The following TRIM32 variants were observed in gnomAD, a reference collection of about 807,000 sequenced individuals.
TRIM32 encodes tripartite motif containing 32, also known as E3 ubiquitin-protein ligase TRIM32.
A neutral mutation model predicts 36.0 loss-of-function variants in TRIM32; 19 were observed. That is an observed-to-expected ratio of 0.53 (90% CI 0.37 to 0.77). TRIM32 has a LOEUF of 0.77. TRIM32 is among the 30% of genes least tolerant of loss of function. The probability of loss-of-function intolerance (pLI) is 0.00; values close to 1 mark genes in which losing one functional copy is unlikely to be tolerated. For synonymous variants in TRIM32, 309 were observed against 318.5 expected, an observed-to-expected ratio of 0.97 and a Z score of 0.32; for missense variants, 747 against 845.2, an observed-to-expected ratio of 0.88 and a Z score of 1.44.
Position 116,699,933 on chromosome 9 carries a change from C to G in TRIM32, c.*229C>G. On this transcript the variant is annotated 3_prime_UTR_variant, in exon 2 of 2. Transcript: ENST00000450136. This position sits in a 1 kb window ranked among gnomAD's most constrained non-coding sequence, Gnocchi z 4.2. ...AGATGCACTGCCCAAATAGGACACA[C>G]GATGGTGTTAGCTGAAGTTTGATTA... 1 of 631,886 alleles carries G rather than the reference C, an allele frequency of 1.6e-6. No individual in the cohort carries two copies. The highest frequency in any genetic ancestry group is 2.8e-6 in the Non-Finnish European group (1 of 359,210). The allele number at this position is 631,886 out of a possible 1,614,324, so 39.1% of individuals were successfully genotyped here.
chr9:116,697,248 T>C, intron 1 of TRIM32: 1 of 162,502 alleles, frequency 6.2e-6, no homozygotes, highest in South Asian at 1.7e-4. Context: ...AATCATTAGC[T>C]CATTAGCATT....
intron 1 of TRIM32, among the ~76,000 whole-genome samples, chr9:116,689,410 T>G (rs1860450282): frequency 6.6e-6 from 1 of 152,212 alleles, no homozygotes; most frequent in South Asian, 2.1e-4. Context: ...TCTCAAAATC[T>G]AGTAATTTTT....
rs139275673 is a variant in TRIM32, at chr9:116,699,351, C to T, written c.1609C>T (p.Leu537=). The T allele has an allele frequency of 4.8e-5, 77 of 1,614,208 alleles. No individual in the cohort carries two copies. The East Asian group carries it at 1.7e-3, about 36-fold the overall frequency. The change falls in exon 2 of 2, where the codon CTG becomes TTG. Residue 537 remains leucine, a synonymous_variant. Transcript: ENST00000450136. The surrounding 1 kb of genome is among the most constrained non-coding windows in gnomAD (Gnocchi z 4.2). The part of the protein sequence containing the change: ...VYFTQGLGLN[L]ENRQNEHHLE... ...CTTCACCCAGGGCTTAGGCCTCAAT[C>T]TGGAGAATCGGCAGAATGAGCACCA...
rs1485324411 is a variant in TRIM32, at chr9:116,697,713, G to A, written c.-30G>A. On this transcript the variant is annotated 5_prime_UTR_variant, in exon 2 of 2. It adds an upstream start codon to the 5' untranslated region. Transcript: ENST00000450136. ...ATACTGTGCTGTTCAGTTCTGAGCT[G>A]TGCTAGCAATACCCTTCAAAGGAAG... The A allele has an allele frequency of 6.2e-7, 1 of 1,612,932 alleles. No individual in the cohort carries two copies. The highest frequency in any genetic ancestry group is 1.3e-5 in the African/African-American group (1 of 75,046).
intron 1 of TRIM32, among the ~76,000 whole-genome samples, chr9:116,694,065 C>G (rs1400843830): frequency 1.3e-5 from 2 of 152,164 alleles, no homozygotes; most frequent in African/African-American, 2.4e-5. Context: ...AGCATGGCAG[C>G]TTTGGGGCAG....
intron 1 of TRIM32, among the ~76,000 whole-genome samples, chr9:116,691,652 T>G (rs1860572990): frequency 6.6e-6 from 1 of 152,188 alleles, no homozygotes; most frequent in Non-Finnish European, 1.5e-5. Context: ...CTTGTTGAGT[T>G]TATCTTAGTT....
In TRIM32 at chr9:116,698,912, T is replaced by C; in HGVS notation, c.1170T>C (p.Arg390=). The C allele has an allele frequency of 1.9e-6, 3 of 1,614,236 alleles. No individual in the cohort carries two copies. Among genetic ancestry groups the C allele is most frequent in the Non-Finnish European group, 2.5e-6 (3 of 1,180,044 alleles). ...TSQGEVLVAD[R]GNYRIQVFTR... is the part of the protein sequence containing the mutation. ...AAGGTGAAGTACTAGTCGCTGACCG[T>C]GGTAACTATCGTATACAAGTCTTTA... is the stretch of plus-strand genomic sequence containing the variant. Residue 390 remains arginine (R), a synonymous_variant, in exon 2 of 2, where the codon CGT becomes CGC. Transcript: ENST00000450136. The surrounding 1 kb of genome is among the most constrained non-coding windows in gnomAD (Gnocchi z 4.4).
intron 1 of TRIM32, among the ~76,000 whole-genome samples, chr9:116,696,076 A>G (rs1860835791): frequency 6.6e-6 from 1 of 152,018 alleles, no homozygotes; most frequent in Admixed American, 6.5e-5. Context: ...GTCTTCTCTG[A>G]TGTTTCCCCA....
At chr9:116,692,345 A>G (rs548768572) in intron 1 of TRIM32, among the ~76,000 whole-genome samples, 1 of 152,236 alleles carries the variant, frequency 6.6e-6, no homozygotes, top group African/African-American at 2.4e-5. Context: ...AAAAGTGCCT[A>G]TTCATTTCTT....
Position 116,699,414 on chromosome 9 carries a change from G to A in TRIM32, c.1672G>A (p.Asp558Asn), listed in dbSNP as rs754071735. Reference protein sequence around the residue: ...GGFSIGSVGPDGQLGRQISHF... With the variant: ...GGFSIGSVGPNGQLGRQISHF... ...CTTTTCCATTGGCTCTGTAGGCCCT[G>A]ATGGGCAGCTGGGTCGCCAGATTAG... The change falls in exon 2 of 2, where the codon GAT becomes AAT. Residue 558 changes from aspartate to asparagine, a missense_variant. By Grantham distance (23) the Asp-to-Asn change is conservative. Coordinates refer to ENST00000450136, the MANE Select transcript of TRIM32 (RefSeq NM_012210.4). This position sits in a 1 kb window ranked among gnomAD's most constrained non-coding sequence, Gnocchi z 4.2. 6 of 1,614,188 alleles carry A rather than the reference G, an allele frequency of 3.7e-6. No homozygotes were observed. The highest frequency in any genetic ancestry group is 5.1e-6 in the Non-Finnish European group (6 of 1,180,038).
chr9:116,695,847 C>G (rs185845262), intron 1 of TRIM32, among the ~76,000 whole-genome samples: 1 of 152,096 alleles, frequency 6.6e-6, no homozygotes, highest in Non-Finnish European at 1.5e-5. Flanking sequence ...TATTGGGTGA[C>G]GCAGAGGGTA....
intron 1 of TRIM32, among the ~76,000 whole-genome samples, chr9:116,689,716 T>TG (rs1022040961): frequency 2.6e-5 from 4 of 152,074 alleles, no homozygotes; most frequent in Admixed American, 6.5e-5. Flanking sequence ...ACTCTAAAGT[T>TG]GGGGGGTAAA....
rs904444090 is a variant in TRIM32 at position 116,698,714 on chromosome 9, G to A, written c.972G>A (p.Glu324=). 6.2e-7 allele frequency: 1 copy of A among 1,614,206 alleles called. No individual in the cohort carries two copies. The highest frequency in any genetic ancestry group is 1.7e-5 in the Admixed American group (1 of 60,028). The part of the protein sequence containing the change: ...SAASTSVTFR[E]MDMSPEEVVA... ...CCTCTACCTCTGTTACTTTTAGAGA[G>A]ATGGACATGAGCCCGGAGGAAGTGG... Residue 324 remains glutamate, a synonymous_variant, in exon 2 of 2, where the codon GAG becomes GAA. Transcript: ENST00000450136. The surrounding 1 kb of genome is among the most constrained non-coding windows in gnomAD (Gnocchi z 4.4).
rs1861154452 is a variant in TRIM32, at chr9:116,701,164, G to T, written c.*1460G>T. 6.0e-6 allele frequency: 1 copy of T among 167,088 alleles called. No individual in the cohort carries two copies. The highest frequency in any genetic ancestry group is 1.5e-5 in the Non-Finnish European group (1 of 68,126). The allele number at this position is 167,088 out of a possible 1,614,324, so 10.4% of individuals were successfully genotyped here. A position where few individuals can be genotyped will look rare whatever the true frequency, so the allele number is the denominator to read the frequency against. On this transcript the variant is annotated 3_prime_UTR_variant, in exon 2 of 2. Coordinates refer to ENST00000450136, the MANE Select transcript of TRIM32 (RefSeq NM_012210.4). ...GCTGATGGCAAGCCAAAGAGCAACT[G>T]CCTTACTTTGATGTAAACAAAATTT... is the stretch of plus-strand genomic sequence containing the variant.
Position 116,698,075 on chromosome 9 carries a change from C to A in TRIM32, c.333C>A (p.Phe111Leu). Residue 111 changes from phenylalanine to leucine, a missense_variant, in exon 2 of 2, where the codon TTC (phenylalanine) becomes TTA (leucine). Physicochemically the swap from Phe to Leu is conservative, Grantham distance 22. Transcript: ENST00000450136. The surrounding 1 kb of genome is among the most constrained non-coding windows in gnomAD (Gnocchi z 4.4). ...RSCGRRLPRQ[F>L]CRSCGLVLCE... ...GTGGGCGGCGTCTGCCCCGGCAATT[C>A]TGCCGGAGCTGTGGTTTGGTGTTAT... The A allele has an allele frequency of 6.2e-7, 1 of 1,614,122 alleles. No individual in the cohort carries two copies.
intron 1 of TRIM32, among the ~76,000 whole-genome samples, chr9:116,689,396 A>G (rs1860449775): frequency 6.6e-6 from 1 of 152,220 alleles, no homozygotes; most frequent in Non-Finnish European, 1.5e-5. Context: ...GGCACATAGT[A>G]AGTTCTCAAA....
intron 1 of TRIM32, among the ~76,000 whole-genome samples, chr9:116,697,042 A>ATATC (rs1424410453): frequency 6.6e-6 from 1 of 151,628 alleles, no homozygotes; most frequent in African/African-American, 2.4e-5. Context: ...CTTTCAAGAC[A>ATATC]TATCTTAGGA....
In TRIM32 at chr9:116,697,786, G is replaced by A. The variant is rs1341334730; in HGVS notation, c.44G>A (p.Arg15Gln). 13 of 1,613,982 alleles carry A rather than the reference G, an allele frequency of 8.1e-6. No individual in the cohort carries two copies. The highest frequency in any genetic ancestry group is 2.2e-5 in the East Asian group (1 of 44,886). Residue 15 changes from arginine to glutamine, a missense_variant, in exon 2 of 2, where the codon CGG (arginine) becomes CAG (glutamine). Transcript: ENST00000450136. Reference protein sequence around the residue: ...AASHLNLDALREVLECPICME... With the variant: ...AASHLNLDALQEVLECPICME... ...TCTCACCTGAACCTGGATGCCCTCC[G>A]GGAAGTGCTAGAATGCCCCATCTGC...
In TRIM32 at chr9:116,687,338, G is replaced by A. The variant is rs1027225738; in HGVS notation, c.-125G>A. 4.6e-5 allele frequency: 42 copies of A among 919,010 alleles called. No homozygotes were observed. Among genetic ancestry groups the A allele is most frequent in the Non-Finnish European group, 5.2e-5 (40 of 769,606 alleles). 56.9% of individuals were successfully genotyped at this position (919,010 alleles called of 1,614,324 possible). A position where few individuals can be genotyped will look rare whatever the true frequency, so the allele number is the denominator to read the frequency against. On this transcript the variant is annotated 5_prime_UTR_variant, in exon 1 of 2. Transcript: ENST00000450136. ...GCGCGTGCGCAGAGGGAGGCAGGCG[G>A]GTGGGCTGCCGGCGGTGGACTCGTC...
Sources: allele counts gnomAD v4.1 joint callset (sites outside exome capture counted in the v4.1 genomes callset), GRCh38; gene constraint gnomAD v4.1.1; non-coding constraint Gnocchi (gnomAD v3.1); transcripts MANE v1.5; gene names NCBI Gene and HGNC (gene_info 2026-07-23, HGNC 2026-07-21).